Variants in POFUT3 observed in about 807,000 individuals in gnomAD.
The protein encoded by POFUT3 is GDP-fucose protein O-fucosyltransferase 3.
At chr8:33,371,609 C>T in the POFUT3 span, 2 of 152,190 alleles carry the variant, frequency 1.3e-5, no homozygotes, top group African/African-American at 4.8e-5. Context: ...CCAGTGTTTT[C>T]CTCCTTGTCT....
the POFUT3 span, among the ~76,000 whole-genome samples, chr8:33,395,088 C>T: frequency 6.6e-6 from 1 of 152,176 alleles, no homozygotes; most frequent in African/African-American, 2.4e-5. Flanking sequence ...GGTTTTACAA[C>T]TAGGAGCACT....
chr8:33,358,772 G>C, the POFUT3 span, among the ~76,000 whole-genome samples: 1 of 152,090 alleles, frequency 6.6e-6, no homozygotes, highest in Non-Finnish European at 1.5e-5. Flanking sequence ...GAAGGCTGAA[G>C]CAGGAAGATT....
the POFUT3 span, among the ~76,000 whole-genome samples, chr8:33,420,345 T>C: frequency 6.6e-6 from 1 of 152,172 alleles, no homozygotes; most frequent in Non-Finnish European, 1.5e-5. Flanking sequence ...AAAGTCTTAG[T>C]AATATGAACA....
chr8:33,454,668 T>G, the POFUT3 span, among the ~76,000 whole-genome samples: 2 of 151,118 alleles, frequency 1.3e-5, 1 homozygote, highest in South Asian at 4.2e-4. Flanking sequence ...AGAAATAGTT[T>G]TGCCTCTTTT....
At chr8:33,422,500 G>A in the POFUT3 span, among the ~76,000 whole-genome samples, 11,199 of 136,808 alleles carry the variant, frequency 0.082, 666 homozygotes, top group African/African-American at 0.17. Context: ...AGCTGAGATC[G>A]TGCCATTGCA....
chr8:33,341,496 A>G, the POFUT3 span, among the ~76,000 whole-genome samples: 184 of 151,990 alleles, frequency 1.2e-3, no homozygotes, highest in Non-Finnish European at 2.3e-3. Context: ...TGAACAGCAC[A>G]CTTATAATAT....
chr8:33,441,833 G>A, the POFUT3 span, among the ~76,000 whole-genome samples: 1 of 152,186 alleles, frequency 6.6e-6, no homozygotes, highest in South Asian at 2.1e-4. Context: ...GCCTAGACCT[G>A]GATGGGGGCC....
the POFUT3 span, among the ~76,000 whole-genome samples, chr8:33,357,817 C>T: frequency 6.6e-6 from 1 of 152,148 alleles, no homozygotes; most frequent in Non-Finnish European, 1.5e-5. Flanking sequence ...AGCTGGTCTC[C>T]TCTCCAACAG....
chr8:33,426,794 A>G, the POFUT3 span, among the ~76,000 whole-genome samples: 1 of 152,126 alleles, frequency 6.6e-6, no homozygotes, highest in Non-Finnish European at 1.5e-5. Context: ...GATTTCTCTG[A>G]CCTCAGAATG....
At chr8:33,362,308 A>G in the POFUT3 span, among the ~76,000 whole-genome samples, 9 of 151,922 alleles carry the variant, frequency 5.9e-5, no homozygotes, top group African/African-American at 2.2e-4. Context: ...AAGCCACGGG[A>G]AAAAAAAGGC....
the POFUT3 span, among the ~76,000 whole-genome samples, chr8:33,444,409 C>G: frequency 6.6e-6 from 1 of 152,048 alleles, no homozygotes; most frequent in African/African-American, 2.4e-5. Flanking sequence ...TAAGCATGGG[C>G]AGAACGTGTG....
chr8:33,341,817 G>T, the POFUT3 span, among the ~76,000 whole-genome samples: 1 of 152,176 alleles, frequency 6.6e-6, no homozygotes, highest in Admixed American at 6.5e-5. Flanking sequence ...CCAACACTTT[G>T]GGGAGCCAAG....
At chr8:33,343,372 T>A in the POFUT3 span, among the ~76,000 whole-genome samples, 1 of 152,192 alleles carries the variant, frequency 6.6e-6, no homozygotes, top group African/African-American at 2.4e-5. Context: ...CTTGGGATTC[T>A]AAAATTAGCA....
the POFUT3 span, among the ~76,000 whole-genome samples, chr8:33,419,270 T>C: frequency 3.9e-5 from 6 of 152,360 alleles, no homozygotes; most frequent in South Asian, 2.1e-4. Context: ...GATAGATACC[T>C]TAAATCAGCA....
At chr8:33,396,670 T>C in the POFUT3 span, among the ~76,000 whole-genome samples, 5 of 152,108 alleles carry the variant, frequency 3.3e-5, no homozygotes, top group African/African-American at 9.7e-5. Context: ...ACCATCAAAA[T>C]ACTTGAAACC....
the POFUT3 span, chr8:33,372,492 T>C: frequency 6.7e-7 from 1 of 1,496,832 alleles, no homozygotes. Context: ...GTCAACAGAA[T>C]AGCTATTATG....
the POFUT3 span, among the ~76,000 whole-genome samples, chr8:33,325,342 T>C: frequency 1.3e-5 from 2 of 152,202 alleles, no homozygotes; most frequent in East Asian, 3.8e-4. Context: ...ATTCATTTGG[T>C]ATGCCTTCAT....
the POFUT3 span, chr8:33,360,793 T>C: frequency 2.0e-5 from 3 of 152,194 alleles, no homozygotes; most frequent in African/African-American, 7.2e-5. Flanking sequence ...GTGTCTTCAA[T>C]GGCAGCCCTA....
the POFUT3 span, among the ~76,000 whole-genome samples, chr8:33,360,560 C>T: frequency 6.6e-6 from 1 of 152,076 alleles, no homozygotes; most frequent in Non-Finnish European, 1.5e-5. Context: ...TACTGAAACA[C>T]CTTTTCCTCC....
Sources: gnomAD v4.1 joint callset for allele counts (sites outside exome capture counted in the v4.1 genomes callset) on GRCh38, gnomAD v4.1.1 for gene constraint, MANE v1.5 for transcripts, NCBI Gene and HGNC (gene_info 2026-07-23, HGNC 2026-07-21) for gene names.